LYRM1: variants seen among roughly 807,000 people sequenced by gnomAD.
LYRM1 encodes the protein LYR motif containing 1.
LYRM1 carries 14 observed loss-of-function variants against 14.9 expected under a neutral mutation model. The observed-to-expected ratio is 0.94, with a 90% CI of 0.62 to 1.47. The LOEUF (loss-of-function observed/expected upper bound fraction) is 1.47, where lower values mean the gene tolerates loss of function less well. LYRM1 is among the 40% of genes most tolerant of loss of function. The probability of loss-of-function intolerance (pLI) is 0.00; values close to 1 mark genes in which losing one functional copy is unlikely to be tolerated. For synonymous variants in LYRM1, 43 were observed against 56.2 expected (o/e 0.77, Z 1.05); for missense variants, 153 against 149.9 (o/e 1.02, Z -0.11).
chr16:20,903,102 G>A (rs1362426195), intron 1 of LYRM1, among the ~76,000 whole-genome samples: 1 of 152,200 alleles, frequency 6.6e-6, no homozygotes, highest in Non-Finnish European at 1.5e-5. Context: ...TAGATTTGAA[G>A]TTGCATACTG....
chr16:20,910,239 T>C (rs1189139380), intron 1 of LYRM1, among the ~76,000 whole-genome samples: 1 of 152,108 alleles, frequency 6.6e-6, no homozygotes, highest in Non-Finnish European at 1.5e-5. Flanking sequence ...AAAGAAACAT[T>C]TTTCTTTTCT....
intron 1 of LYRM1, among the ~76,000 whole-genome samples, chr16:20,904,221 A>G (rs2082204133): frequency 6.6e-6 from 1 of 152,174 alleles, no homozygotes; most frequent in Non-Finnish European, 1.5e-5. Context: ...AAATAGCTGT[A>G]TATCTATTGG....
chr16:20,910,570 T>TTA (rs2082539974), intron 1 of LYRM1, among the ~76,000 whole-genome samples: 1 of 152,230 alleles, frequency 6.6e-6, no homozygotes, highest in Non-Finnish European at 1.5e-5. Flanking sequence ...GAAACAGTGA[T>TTA]TCTTAGAGTC....
At chr16:20,921,619 T>G (rs1195404797) in intron 3 of LYRM1, 2 of 151,544 alleles carry the variant, frequency 1.3e-5, no homozygotes, top group African/African-American at 4.9e-5. Context: ...AGGCTGGTCT[T>G]GAACTCCTGA....
chr16:20,913,313 CTTTGT>C (rs999352321), intron 1 of LYRM1, among the ~76,000 whole-genome samples: 1 of 123,448 alleles, frequency 8.1e-6, no homozygotes, highest in Non-Finnish European at 1.7e-5. Flanking sequence ...AGTATCTTTT[CTTTGT>C]TTTTTTTTTT....
intron 1 of LYRM1, among the ~76,000 whole-genome samples, chr16:20,909,425 T>A (rs1457748941): frequency 6.6e-6 from 1 of 152,208 alleles, no homozygotes; most frequent in Non-Finnish European, 1.5e-5. Context: ...AGGTTAACTT[T>A]TAAAAATCTA....
chr16:20,904,861 G>A (rs548023597), intron 1 of LYRM1, among the ~76,000 whole-genome samples: 2 of 152,056 alleles, frequency 1.3e-5, no homozygotes, highest in Non-Finnish European at 2.9e-5. Context: ...AGTGCCCTGA[G>A]GGATAAACAA....
chr16:20,924,779 C>A lies in LYRM1; in HGVS notation c.*663C>A, dbSNP rs1460445157. On this transcript the variant is annotated 3_prime_UTR_variant, in exon 4 of 4. Transcript: ENST00000567954. ...CTTTAAACTCATACTACATTCGTTA[C>A]GAGTATTTTACGTTAACATAATTGA... 1 of 152,134 alleles carries A rather than the reference C, an allele frequency of 6.6e-6. No individual in the cohort carries two copies. Among genetic ancestry groups the A allele is most frequent in the Non-Finnish European group, 1.5e-5 (1 of 68,030 alleles). The allele number at this position is 152,134 out of a possible 1,614,324, so 9.4% of individuals were successfully genotyped here. A position where few individuals can be genotyped will look rare whatever the true frequency, so the allele number is the denominator to read the frequency against.
intron 1 of LYRM1, among the ~76,000 whole-genome samples, chr16:20,904,408 A>G (rs1432430143): frequency 6.6e-6 from 1 of 152,150 alleles, no homozygotes; most frequent in African/African-American, 2.4e-5. Context: ...CGTGTTCTAA[A>G]AACTTCCCAT....
At chr16:20,916,074 T>TTGC (rs1350206391) in intron 2 of LYRM1, among the ~76,000 whole-genome samples, 1 of 151,650 alleles carries the variant, frequency 6.6e-6, no homozygotes, top group Admixed American at 6.6e-5. Flanking sequence ...TTTTTTGTTG[T>TTGC]TGTTGTTGTT....
At chr16:20,905,679 ATAT>A (rs1162853991) in intron 1 of LYRM1, among the ~76,000 whole-genome samples, 1 of 152,198 alleles carries the variant, frequency 6.6e-6, no homozygotes, top group East Asian at 1.9e-4. Flanking sequence ...CTTCATGGAA[ATAT>A]TATAAGGTAT....
At chr16:20,913,751 G>A (rs2082720584) in intron 1 of LYRM1, among the ~76,000 whole-genome samples, 1 of 152,096 alleles carries the variant, frequency 6.6e-6, no homozygotes, top group South Asian at 2.1e-4. Flanking sequence ...AATTAAAACT[G>A]ATGTTTGAGA....
chr16:20,904,541 G>C (rs2082222342), intron 1 of LYRM1, among the ~76,000 whole-genome samples: 1 of 152,120 alleles, frequency 6.6e-6, no homozygotes, highest in Non-Finnish European at 1.5e-5. Context: ...AAAAGATGCT[G>C]TTTCATAAAA....
At chr16:20,918,054 T>C (rs562919935) in intron 2 of LYRM1, among the ~76,000 whole-genome samples, 1 of 152,256 alleles carries the variant, frequency 6.6e-6, no homozygotes, top group South Asian at 2.1e-4. Flanking sequence ...GGCCGCCTGT[T>C]CTGAATTCCT....
rs1424697413 is a variant in LYRM1, at chr16:20,905,682, T to G, written c.-1+4793T>G. On this transcript the variant is annotated intron_variant, in intron 1 of 3. Transcript: ENST00000567954. ...TTTGGTTCTAAACTTCATGGAAATATTATAAGGTATTTCAGTCCAGTGGAC... is the reference window on the plus strand; with the variant it reads ...TTTGGTTCTAAACTTCATGGAAATAGTATAAGGTATTTCAGTCCAGTGGAC... Among the ~76,000 whole-genome samples, 2 of 152,188 alleles carry G rather than the reference T, an allele frequency of 1.3e-5. 1 individual carries two copies. The highest frequency in any genetic ancestry group is 2.9e-5 in the Non-Finnish European group (2 of 68,040).
chr16:20,918,016 T>C (rs2082996635), intron 2 of LYRM1, among the ~76,000 whole-genome samples: 2 of 152,058 alleles, frequency 1.3e-5, no homozygotes, highest in Admixed American at 6.6e-5. Flanking sequence ...CTTCCTCAGT[T>C]TCTCTGCTTC....
intron 1 of LYRM1, chr16:20,902,754 G>C (rs1200398298): frequency 3.3e-5 from 5 of 152,166 alleles, no homozygotes; most frequent in Admixed American, 1.3e-4. Context: ...TGACTTTTTG[G>C]ATAAATTGTC....
intron 1 of LYRM1, among the ~76,000 whole-genome samples, chr16:20,910,950 A>C (rs1567450197): frequency 1.3e-5 from 2 of 152,222 alleles, no homozygotes; most frequent in African/African-American, 4.8e-5. Context: ...GAACTGACTC[A>C]TGTATTTTCA....
At chr16:20,912,595 A>T (rs2152540716) in intron 1 of LYRM1, among the ~76,000 whole-genome samples, 1 of 152,238 alleles carries the variant, frequency 6.6e-6, no homozygotes, top group Admixed American at 6.5e-5. Context: ...TTTTTTAAAA[A>T]GGAAACACCT....
Sources: allele counts gnomAD v4.1 joint callset (sites outside exome capture counted in the v4.1 genomes callset), GRCh38; gene constraint gnomAD v4.1.1; transcripts MANE v1.5; gene names NCBI Gene and HGNC (gene_info 2026-07-23, HGNC 2026-07-21).